The following RAD50 variants were observed in gnomAD, a reference collection of about 807,000 sequenced individuals.
RAD50 encodes RAD50 double strand break repair protein.
Under a neutral mutation model 168.8 loss-of-function variants are expected in RAD50, and 132 were observed. The observed-to-expected ratio is 0.78, with a 90% CI of 0.68 to 0.90. The LOEUF (loss-of-function observed/expected upper bound fraction) is 0.90. RAD50 is among the 40% of genes least tolerant of loss of function. RAD50 has a pLI of 0.00. For synonymous variants in RAD50, 525 were observed against 497.4 expected (o/e 1.06, Z -0.74); for missense variants, 1,347 against 1,534.4 (o/e 0.88, Z 2.04).
intron 3 of RAD50, among the ~76,000 whole-genome samples, chr5:132,577,480 A>G (rs546224868): frequency 1.3e-5 from 2 of 152,356 alleles, no homozygotes; most frequent in East Asian, 3.9e-4. Context: ...TGTTCCATGT[A>G]CCATAGCTAA....
chr5:132,595,457 A>T (rs1414612054), intron 12 of RAD50, 116 bp from the exon 13 acceptor site: 9 of 616,592 alleles, frequency 1.5e-5, no homozygotes, highest in Non-Finnish European at 2.1e-5. Context: ...TTCTTTTATA[A>T]TATATTTATA....
chr5:132,587,653 A>G lies in RAD50; in HGVS notation c.848A>G (p.Glu283Gly), dbSNP rs1561638980. The change falls in exon 6 of 25, where the codon GAG becomes GGG. Residue 283 changes from glutamate to glycine, a missense_variant. Physicochemically the swap from Glu to Gly is moderately conservative, Grantham distance 98. This residue lies in a region of RAD50 where 703 missense variants were observed against 767.7 expected (regional missense o/e 0.92). Coordinates refer to ENST00000378823, the MANE Select transcript of RAD50 (RefSeq NM_005732.4). ...TTGGATAGCCGAAAGAAGCAAATGG[A>G]GAAAGATAATAGTGAACTGGAAGAG... Reference protein sequence around the residue: ...KALDSRKKQMEKDNSELEEKM... With the variant: ...KALDSRKKQMGKDNSELEEKM... 3.1e-6 allele frequency: 5 copies of G among 1,613,914 alleles called. No individual in the cohort carries two copies. Among genetic ancestry groups the G allele is most frequent in the Non-Finnish European group, 4.2e-6 (5 of 1,179,906 alleles).
In RAD50 at chr5:132,643,734, G is replaced by GGGCCC; in HGVS notation, c.*1370_*1371insGGCCC. ...GGGGGTGGTGGTGGGGTGGGGGGGG[G>GGGCCC]TCCTAAATGTAATCACGAGTAAGAT... On this transcript the variant is annotated 3_prime_UTR_variant, in exon 25 of 25. Coordinates refer to ENST00000378823, the MANE Select transcript of RAD50 (RefSeq NM_005732.4). 1 of 177,118 alleles carries GGGCCC rather than the reference G, an allele frequency of 5.6e-6. No homozygotes were observed. The highest frequency in any genetic ancestry group is 1.2e-5 in the Non-Finnish European group (1 of 84,834). 11.0% of individuals were successfully genotyped at this position (177,118 alleles called of 1,614,324 possible).
intron 22 of RAD50, 22 bp from the exon 23 acceptor site, chr5:132,638,059 A>G: frequency 6.2e-7 from 1 of 1,612,836 alleles, no homozygotes; most frequent in East Asian, 2.2e-5. Flanking sequence ...GTTCCTCTAA[A>G]ATATTCTTCT....
At position 132,642,160 on chromosome 5, in the gene RAD50, C is replaced by G. The variant is rs777036298; in HGVS notation, c.3753-18C>G. On this transcript the variant is annotated intron_variant, in intron 24 of 24. Coordinates refer to ENST00000378823, the MANE Select transcript of RAD50 (RefSeq NM_005732.4). ...TTATGCTCTTTACTAATAATATGTT[C>G]TGAATATATTGTTGCAGGATAATAA... is the stretch of plus-strand genomic sequence containing the variant. The G allele has an allele frequency of 1.2e-6, 2 of 1,609,726 alleles. No homozygotes were observed. The highest frequency in any genetic ancestry group is 1.7e-6 in the Non-Finnish European group (2 of 1,176,030).
At chr5:132,626,826 A>G (rs527984493) in intron 21 of RAD50, among the ~76,000 whole-genome samples, 2 of 152,248 alleles carry the variant, frequency 1.3e-5, no homozygotes, top group African/African-American at 2.4e-5. Context: ...ATAAAATTAG[A>G]TATCAGAACC....
At chr5:132,626,163 C>G (rs531906218) in intron 21 of RAD50, among the ~76,000 whole-genome samples, 23 of 152,194 alleles carry the variant, frequency 1.5e-4, no homozygotes, top group Admixed American at 1.1e-3. Context: ...CCACCGCGCC[C>G]GAGAGGAACC....
chr5:132,592,683 C>G (rs755713768), intron 11 of RAD50: 13 of 351,712 alleles, frequency 3.7e-5, no homozygotes, highest in Non-Finnish European at 7.1e-5. Context: ...ATGACCTTTG[C>G]TCTTATCTGG....
At chr5:132,606,802 A>C (rs1750993524) in intron 16 of RAD50, among the ~76,000 whole-genome samples, 1 of 152,212 alleles carries the variant, frequency 6.6e-6, no homozygotes, top group African/African-American at 2.4e-5. Flanking sequence ...CTGGGATGCA[A>C]GGCTGGTTCA....
At chr5:132,614,991 T>G (rs1189389696) in intron 19 of RAD50, among the ~76,000 whole-genome samples, 2 of 152,186 alleles carry the variant, frequency 1.3e-5, no homozygotes, top group African/African-American at 4.8e-5. Context: ...CTCTCTCACT[T>G]CCCATGTCAC....
chr5:132,612,744 C>A (rs932186530), intron 19 of RAD50, among the ~76,000 whole-genome samples: 3 of 152,032 alleles, frequency 2.0e-5, no homozygotes, highest in African/African-American at 7.2e-5. Context: ...GGGAGGATTG[C>A]TTGAGCTGGG....
At chr5:132,576,248 T>C (rs1750398810) in intron 3 of RAD50, among the ~76,000 whole-genome samples, 2 of 152,208 alleles carry the variant, frequency 1.3e-5, no homozygotes, top group Admixed American at 1.3e-4. Flanking sequence ...GAGTAATTTC[T>C]GAACAGTTGC....
chr5:132,587,730 G>A, intron 6 of RAD50, 40 bp downstream of exon 6: 3 of 1,612,480 alleles, frequency 1.9e-6, no homozygotes, highest in Middle Eastern at 1.7e-4. Context: ...CAAAATTTTG[G>A]GATTATTGTA....
At position 132,604,875 on chromosome 5, in the gene RAD50, G is replaced by T. The variant is rs1444790340; in HGVS notation, c.2594G>T (p.Ser865Ile). 6.2e-7 allele frequency: 1 copy of T among 1,613,702 alleles called. No individual in the cohort carries two copies. The part of the protein sequence containing the change: ...DQQEQIQHLK[S>I]TTNELKSEKL... ...CAGGAACAGATTCAACATCTAAAAA[G>T]TACAACAAATGAGCTAAAATCTGAG... Residue 865 changes from serine (S) to isoleucine (I), a missense_variant, in exon 16 of 25, where the codon AGT (serine) becomes ATT (isoleucine). By Grantham distance (142) the Ser-to-Ile change is moderately radical. This residue lies in a region of RAD50 where 635 missense variants were observed against 739.2 expected (regional missense o/e 0.86). Transcript: ENST00000378823.
chr5:132,619,606 C>A (rs994230136), intron 21 of RAD50, among the ~76,000 whole-genome samples: 2 of 151,966 alleles, frequency 1.3e-5, no homozygotes, highest in Non-Finnish European at 2.9e-5. Flanking sequence ...TTCTTTATCT[C>A]TTCTGCATTT....
intron 13 of RAD50, among the ~76,000 whole-genome samples, chr5:132,597,144 T>C (rs1212515139): frequency 1.3e-5 from 2 of 152,156 alleles, no homozygotes; most frequent in African/African-American, 2.4e-5. Flanking sequence ...TGAAACAGGC[T>C]GAGAAAAGCT....
chr5:132,644,572 C>G lies in RAD50; in HGVS notation c.*2208C>G, dbSNP rs551828594. On this transcript the variant is annotated 3_prime_UTR_variant, in exon 25 of 25. Coordinates refer to ENST00000378823, the MANE Select transcript of RAD50 (RefSeq NM_005732.4). Reference sequence around the variant, plus strand: ...TTACAAACTGCTTAGAACTGCTTGCCACCTACTAAATACTGTGTAAGTGTT... The same window carrying G: ...TTACAAACTGCTTAGAACTGCTTGCGACCTACTAAATACTGTGTAAGTGTT... 5.4e-6 allele frequency: 1 copy of G among 183,576 alleles called. No individual in the cohort carries two copies. The highest frequency in any genetic ancestry group is 2.3e-5 in the African/African-American group (1 of 42,650). The allele number at this position is 183,576 out of a possible 1,614,324, so 11.4% of individuals were successfully genotyped here.
chr5:132,615,252 T>TTGC (rs1751155863), intron 19 of RAD50, among the ~76,000 whole-genome samples: 1 of 152,234 alleles, frequency 6.6e-6, no homozygotes, highest in Non-Finnish European at 1.5e-5. Context: ...TTTGTTGTTG[T>TTGC]TGCTGCTGCT....
chr5:132,591,858 A>ATT lies in RAD50; in HGVS notation c.1636-10_1636-9dup, dbSNP rs762814289. ...GAGATATAGACTTTATTTTTAAAAG[A>ATT]TTTTTTTTTTACCTATAGGCTGACA... is the stretch of plus-strand genomic sequence containing the variant. On this transcript the variant is annotated intron_variant, in intron 10 of 24. Transcript: ENST00000378823. The ATT allele has an allele frequency of 6.9e-7, 1 of 1,444,644 alleles. No individual in the cohort carries two copies. The allele number at this position is 1,444,644 out of a possible 1,614,324, so 89.5% of individuals were successfully genotyped here.
Sources: allele counts gnomAD v4.1 joint callset (sites outside exome capture counted in the v4.1 genomes callset), GRCh38; gene constraint gnomAD v4.1.1; regional missense constraint gnomAD v4.1.1; transcripts MANE v1.5; gene names NCBI Gene and HGNC (gene_info 2026-07-23, HGNC 2026-07-21).